Variants in DZANK1 observed in about 807,000 individuals in gnomAD.
The protein encoded by DZANK1 is double zinc ribbon and ankyrin repeat domains 1.
A neutral mutation model predicts 94.5 loss-of-function variants in DZANK1; 91 were observed. That is an observed-to-expected ratio of 0.96 (90% CI 0.81 to 1.15). The LOEUF is 1.15. Ranked by LOEUF, DZANK1 falls within the 50% of genes most tolerant of loss-of-function variation. The pLI is 0.00. For synonymous variants in DZANK1, 312 were observed against 325.3 expected (o/e 0.96, Z 0.44); for missense variants, 903 against 916.4 (o/e 0.99, Z 0.19).
intron 7 of DZANK1, 144 bp from the exon 8 acceptor site, chr20:18,443,608 G>A (rs1300217975): frequency 1.9e-6 from 1 of 533,546 alleles, no homozygotes; most frequent in Non-Finnish European, 3.3e-6. Flanking sequence ...GTTCAAGACA[G>A]GAAATACTTA....
At chr20:18,446,831 T>G (rs965911540) in intron 7 of DZANK1, among the ~76,000 whole-genome samples, 3 of 152,194 alleles carry the variant, frequency 2.0e-5, no homozygotes, top group Non-Finnish European at 4.4e-5. Flanking sequence ...ACTTCCTAAC[T>G]TATTCTATGA....
rs369291248 is a variant in DZANK1, at chr20:18,430,543, G to A, written c.861+3109C>T. Among the ~76,000 whole-genome samples, 6 of 152,222 alleles carry A rather than the reference G, an allele frequency of 3.9e-5. No individual in the cohort carries two copies. In the East Asian group the frequency reaches 9.6e-4, roughly 24 times the overall value. ...AAAACGGCCAATGGAGGCCAGGTGC[G>A]GTGGCCCACGCCTGTAATCCCAGAA... On this transcript the variant is annotated intron_variant, in intron 9 of 20. Transcript: ENST00000262547.
intron 6 of DZANK1, 121 bp from the exon 7 acceptor site, chr20:18,449,190 G>A (rs1253712652): frequency 3.8e-6 from 3 of 799,810 alleles, no homozygotes; most frequent in Non-Finnish European, 6.0e-6. Context: ...GACATATAAA[G>A]AGGAATAATA....
chr20:18,455,376 T>C lies in DZANK1; in HGVS notation c.264-15A>G. ...GTCTGCAGTCTCTGAAAATTATTATTAAGAAAGGAAAAAGTCTGTGTTACA... is the reference window on the plus strand; with the variant it reads ...GTCTGCAGTCTCTGAAAATTATTATCAAGAAAGGAAAAAGTCTGTGTTACA... On this transcript the variant is annotated splice_polypyrimidine_tract_variant and intron_variant, in intron 3 of 20. Transcript: ENST00000262547. The C allele has an allele frequency of 6.4e-7, 1 of 1,553,884 alleles. No homozygotes were observed. The highest frequency in any genetic ancestry group is 8.7e-7 in the Non-Finnish European group (1 of 1,143,410).
intron 7 of DZANK1, among the ~76,000 whole-genome samples, chr20:18,443,718 G>A (rs1251266129): frequency 6.6e-6 from 1 of 152,152 alleles, no homozygotes; most frequent in African/African-American, 2.4e-5. Flanking sequence ...CTTGATCATG[G>A]CAAGAAGTTT....
intron 6 of DZANK1, among the ~76,000 whole-genome samples, chr20:18,450,403 T>C (rs1177304889): frequency 2.0e-5 from 3 of 152,138 alleles, no homozygotes; most frequent in Admixed American, 1.3e-4. Context: ...GAAAAACAAA[T>C]AAATAAAAAC....
chr20:18,425,064 G>A (rs1600932359), intron 10 of DZANK1, among the ~76,000 whole-genome samples: 1 of 152,180 alleles, frequency 6.6e-6, no homozygotes, highest in South Asian at 2.1e-4. Context: ...AACTTTTCAG[G>A]GTAAATAGAA....
intron 19 of DZANK1, among the ~76,000 whole-genome samples, chr20:18,388,666 C>A (rs919394524): frequency 6.6e-6 from 1 of 152,140 alleles, no homozygotes; most frequent in Admixed American, 6.5e-5. Flanking sequence ...ACAGTAAACT[C>A]TAAGAAAACT....
intron 3 of DZANK1, among the ~76,000 whole-genome samples, chr20:18,456,825 G>A (rs932139731): frequency 1.3e-5 from 2 of 152,112 alleles, no homozygotes; most frequent in Admixed American, 6.6e-5. Flanking sequence ...TGGTCATTTG[G>A]ATTATTTCTG....
intron 10 of DZANK1, among the ~76,000 whole-genome samples, chr20:18,419,809 T>C (rs758561476): frequency 4.4e-4 from 65 of 149,366 alleles, no homozygotes; most frequent in Non-Finnish European, 2.8e-4. Context: ...TGTGAAGGGA[T>C]ATGATACCAG....
chr20:18,396,458 G>A lies in DZANK1; in HGVS notation c.1611+14C>T. On this transcript the variant is annotated intron_variant, in intron 15 of 20. Transcript: ENST00000262547. ...GTCAGTTCTCAAATGAATAACTTCT[G>A]GAGGCTTACTCACCTTGTTTGAGAC... The A allele has an allele frequency of 6.2e-7, 1 of 1,602,030 alleles. No homozygotes were observed. Among genetic ancestry groups the A allele is most frequent in the Non-Finnish European group, 8.5e-7 (1 of 1,171,708 alleles).
intron 7 of DZANK1, among the ~76,000 whole-genome samples, chr20:18,444,975 T>A (rs2058828642): frequency 6.6e-6 from 1 of 151,898 alleles, no homozygotes; most frequent in Non-Finnish European, 1.5e-5. Flanking sequence ...TAATTTTTTT[T>A]TTTTTGTAGT....
intron 17 of DZANK1, among the ~76,000 whole-genome samples, chr20:18,392,785 G>GAAACC (rs11473123): frequency 0.36 from 53,841 of 151,174 alleles, 10,579 homozygotes; most frequent in Middle Eastern, 0.46. Flanking sequence ...ATCTGACAGG[G>GAAACC]AAACCAAACC....
At chr20:18,407,214 G>A (rs537905312) in intron 13 of DZANK1, among the ~76,000 whole-genome samples, 57 of 152,340 alleles carry the variant, frequency 3.7e-4, no homozygotes, top group African/African-American at 1.3e-3. Context: ...GGTGGCCACA[G>A]GAGTGCTTGC....
intron 1 of DZANK1, 183 bp from the exon 2 acceptor site, chr20:18,465,560 G>A (rs1450594973): frequency 7.5e-6 from 2 of 267,498 alleles, no homozygotes; most frequent in African/African-American, 4.4e-5. Context: ...GGTCTTGTGT[G>A]GGGTTTTGAT....
chr20:18,425,500 G>A (rs146283055), intron 10 of DZANK1, among the ~76,000 whole-genome samples: 2,518 of 151,104 alleles, frequency 0.017, 28 homozygotes, highest in African/African-American at 0.019. Flanking sequence ...GCAGTGAGCC[G>A]AGACTGCACC....
chr20:18,431,324 C>G (rs1322551440), intron 9 of DZANK1, among the ~76,000 whole-genome samples: 1 of 152,124 alleles, frequency 6.6e-6, no homozygotes, highest in Non-Finnish European at 1.5e-5. Flanking sequence ...CTGTCTTCAT[C>G]ATAGAAGGAA....
At chr20:18,451,796 C>T in intron 6 of DZANK1, 1 of 481,074 alleles carries the variant, frequency 2.1e-6, no homozygotes, top group Non-Finnish European at 4.1e-6. Flanking sequence ...CTCAGCAAAG[C>T]CCGCCTCCTA....
rs544199495 is a variant in DZANK1, at chr20:18,428,023, C to T, written c.862-864G>A. Reference sequence around the variant, plus strand: ...AAAATTAGCCGAGTGTGGTGGTGGGCGCCTGTAGTCCCAGCTGCTGGGGAG... The same window carrying T: ...AAAATTAGCCGAGTGTGGTGGTGGGTGCCTGTAGTCCCAGCTGCTGGGGAG... On this transcript the variant is annotated intron_variant, in intron 9 of 20. Coordinates refer to ENST00000262547, the Ensembl canonical transcript of DZANK1. Among the ~76,000 whole-genome samples, 106 of 150,946 alleles carry T rather than the reference C, an allele frequency of 7.0e-4. 2 individuals carry two copies. The highest frequency in any genetic ancestry group is 6.2e-3 in the Admixed American group (94 of 15,220).
Sources: gnomAD v4.1 joint callset for allele counts (sites outside exome capture counted in the v4.1 genomes callset) on GRCh38, gnomAD v4.1.1 for gene constraint, MANE v1.5 for transcripts, NCBI Gene and HGNC (gene_info 2026-07-23, HGNC 2026-07-21) for gene names.